The following SLC40A1 variants were observed in gnomAD, a reference collection of about 807,000 sequenced individuals.
The protein encoded by SLC40A1 is ferroportin.
In SLC40A1, 16 loss-of-function variants were observed where a neutral mutation model predicts 53.5. The observed-to-expected ratio is 0.30, with a 90% CI of 0.20 to 0.45. The LOEUF (loss-of-function observed/expected upper bound fraction) is 0.45. Ranked by LOEUF, SLC40A1 falls within the 20% of genes least tolerant of loss-of-function variation. The probability of loss-of-function intolerance (pLI) is 1.00; values close to 1 mark genes in which losing one functional copy is unlikely to be tolerated. For missense variants in SLC40A1, 545 were observed against 695.4 expected (o/e 0.78, Z 2.43); for synonymous variants, 247 against 253.2 (o/e 0.98, Z 0.23).
chr2:189,579,758 G>A, intron 2 of SLC40A1, 55 bp downstream of exon 2: 1 of 1,490,530 alleles, frequency 6.7e-7, no homozygotes, highest in Non-Finnish European at 9.4e-7. Context: ...TGGCTAGAAC[G>A]AAAGGAAATA....
chr2:189,571,614 A>T (rs1301550040), intron 5 of SLC40A1, 101 bp downstream of exon 5: 15 of 1,533,104 alleles, frequency 9.8e-6, no homozygotes, highest in Middle Eastern at 1.8e-4. Context: ...TTCTTAAAAA[A>T]TACCCAGAAC....
chr2:189,561,581 C>G lies in SLC40A1; in HGVS notation c.*297G>C, dbSNP rs1444372744. ...ATAACTGAATTCACGTGACTAACCA[C>G]TCTTTTACGTAAGATTGTATCTACT... On this transcript the variant is annotated 3_prime_UTR_variant, in exon 8 of 8. Transcript: ENST00000261024. The G allele has an allele frequency of 2.9e-6, 1 of 340,364 alleles. No individual in the cohort carries two copies. Among genetic ancestry groups the G allele is most frequent in the African/African-American group, 2.1e-5 (1 of 47,432 alleles). The allele number at this position is 340,364 out of a possible 1,614,324, so 21.1% of individuals were successfully genotyped here.
chr2:189,563,522 C>A lies in SLC40A1; in HGVS notation c.1402+62G>T, dbSNP rs73980217. On this transcript the variant is annotated intron_variant, in intron 7 of 7. Coordinates refer to ENST00000261024, the MANE Select transcript of SLC40A1 (RefSeq NM_014585.6). The stretch of plus-strand genomic sequence containing the variant: ...ATTTCAGATCATTTATTAATGGATT[C>A]TCTGAACCTACATTACAAAAAGACA... The A allele has an allele frequency of 0.015, 22,205 of 1,464,714 alleles. 2,153 individuals are homozygous for A. The African/African-American group carries it at 0.24, about 16-fold the overall frequency. 90.7% of individuals were successfully genotyped at this position (1,464,714 alleles called of 1,614,324 possible).
intron 5 of SLC40A1, among the ~76,000 whole-genome samples, chr2:189,569,169 T>C (rs57422927): frequency 0.014 from 2,088 of 152,362 alleles, 46 homozygotes; most frequent in East Asian, 0.079. Context: ...ATTCCTCCTT[T>C]TCTTTTACCC....
intron 3 of SLC40A1, among the ~76,000 whole-genome samples, chr2:189,574,315 G>A (rs142574836): frequency 1.8e-4 from 28 of 152,216 alleles, no homozygotes; most frequent in Non-Finnish European, 3.4e-4. Context: ...CTCTATATGT[G>A]TTCTGGTCTA....
chr2:189,570,845 G>C (rs2031103707), intron 5 of SLC40A1, among the ~76,000 whole-genome samples: 1 of 151,924 alleles, frequency 6.6e-6, no homozygotes, highest in African/African-American at 2.4e-5. Context: ...ATCAAGAATG[G>C]TTTACTTGTC....
Position 189,569,472 on chromosome 2 carries a change from G to A in SLC40A1, c.514+2243C>T, listed in dbSNP as rs542214940. On this transcript the variant is annotated intron_variant, in intron 5 of 7. Coordinates refer to ENST00000261024, the MANE Select transcript of SLC40A1 (RefSeq NM_014585.6). Reference sequence around the variant, plus strand: ...ACCTCATAGGAACCCAAGGCAGCAGGTGGAGTCCCTTCTAGATGTACTTTC... The same window carrying A: ...ACCTCATAGGAACCCAAGGCAGCAGATGGAGTCCCTTCTAGATGTACTTTC... 1.5e-3 allele frequency among the ~76,000 whole-genome samples: 228 copies of A among 152,300 alleles called. 1 individual carries two copies. The highest frequency in any genetic ancestry group is 2.7e-3 in the Non-Finnish European group (181 of 68,018).
chr2:189,561,767 C>G lies in SLC40A1; in HGVS notation c.*111G>C. On this transcript the variant is annotated 3_prime_UTR_variant, in exon 8 of 8. Transcript: ENST00000261024. ...ACAGCTTTTAGTTCTCAAGGCACAGCTGTGGTAAAAACAGAGCAAAACACC... is the reference window on the plus strand; with the variant it reads ...ACAGCTTTTAGTTCTCAAGGCACAGGTGTGGTAAAAACAGAGCAAAACACC... 1.1e-6 allele frequency: 1 copy of G among 914,690 alleles called. No individual in the cohort carries two copies. Among genetic ancestry groups the G allele is most frequent in the East Asian group, 2.6e-5 (1 of 38,762 alleles). 56.7% of individuals were successfully genotyped at this position (914,690 alleles called of 1,614,324 possible).
At chr2:189,564,405 T>TAAAATAAAATAAAATAAAAAAATA (rs1169914170) in intron 6 of SLC40A1, among the ~76,000 whole-genome samples, 180 bp from the exon 7 acceptor site, 4 of 152,192 alleles carry the variant, frequency 2.6e-5, no homozygotes, top group African/African-American at 9.7e-5. Context: ...AATCATCAAG[T>TAAAATAAAATAAAATAAAAAAATA]GTCATTTTTA....
At chr2:189,562,292 G>T in intron 7 of SLC40A1, 101 bp from the exon 8 acceptor site, 1 of 901,934 alleles carries the variant, frequency 1.1e-6, no homozygotes, top group Non-Finnish European at 1.7e-6. Flanking sequence ...ATACATTTTA[G>T]CCTGACTGTC....
chr2:189,575,051 G>A lies in SLC40A1; in HGVS notation c.271+110C>T, dbSNP rs952638246. On this transcript the variant is annotated intron_variant, in intron 3 of 7. Coordinates refer to ENST00000261024, the MANE Select transcript of SLC40A1 (RefSeq NM_014585.6). The stretch of plus-strand genomic sequence containing the variant: ...AGCCCTCCTCCCTCAAGTGTGGCAT[G>A]CAGACATTCCCTGGTTGTTTCTCTC... 4.7e-5 allele frequency: 59 copies of A among 1,246,246 alleles called. No individual in the cohort carries two copies. In the African/African-American group the frequency reaches 8.4e-4, roughly 18 times the overall value. The allele number at this position is 1,246,246 out of a possible 1,614,324, so 77.2% of individuals were successfully genotyped here. A position where few individuals can be genotyped will look rare whatever the true frequency, so the allele number is the denominator to read the frequency against.
Position 189,565,910 on chromosome 2 carries a change from T to TA in SLC40A1, c.515-312dup, listed in dbSNP as rs1280761680. On this transcript the variant is annotated intron_variant, in intron 5 of 7. Coordinates refer to ENST00000261024, the MANE Select transcript of SLC40A1 (RefSeq NM_014585.6). ...TATATCTTAAATGCCTATTATAAGC[T>TA]AGTCATTATTCTCAACAATTCTTAA... 5.3e-5 allele frequency among the ~76,000 whole-genome samples: 8 copies of TA among 152,336 alleles called. No homozygotes were observed. The South Asian group carries it at 1.2e-3, about 24-fold the overall frequency.
Position 189,575,323 on chromosome 2 carries a change from T to G in SLC40A1, c.112-3A>C, listed in dbSNP as rs1574245620. On this transcript the variant is annotated splice_polypyrimidine_tract_variant and splice_region_variant and intron_variant, in intron 2 of 7. Coordinates refer to ENST00000261024, the MANE Select transcript of SLC40A1 (RefSeq NM_014585.6). ...GCAAAGTGCCACATCCGATCTCCCT[T>G]AAATGAAAAGAGAAAATGTTTTGAT... 6.2e-7 allele frequency: 1 copy of G among 1,613,986 alleles called. No homozygotes were observed. Among genetic ancestry groups the G allele is most frequent in the Non-Finnish European group, 8.5e-7 (1 of 1,179,904 alleles).
Position 189,564,211 on chromosome 2 carries a change from G to A in SLC40A1, c.775C>T (p.Pro259Ser). 2 of 1,614,002 alleles carry A rather than the reference G, an allele frequency of 1.2e-6. No homozygotes were observed. The highest frequency in any genetic ancestry group is 1.7e-6 in the Non-Finnish European group (2 of 1,179,900). Residue 259 changes from proline to serine, a missense_variant, in exon 7 of 8, where the codon CCC (proline) becomes TCC (serine). By Grantham distance (74) the Pro-to-Ser change is moderately conservative (BLOSUM62 -1). Around this residue, in one of 4 missense-constraint regions of SLC40A1, gnomAD observed 107 missense variants for 91.0 expected, o/e 1.18. Transcript: ENST00000261024. ...CCCATTAGATGAGTTCCCTCCAGGG[G>A]TTTTGGCTCAGTATCTGTTAAGAAA... is the stretch of plus-strand genomic sequence containing the variant. ...LNLHKDTEPK[P>S]LEGTHLMGVK...
chr2:189,564,095 A>G lies in SLC40A1; in HGVS notation c.891T>C (p.Asp297=), dbSNP rs762023302. The G allele has an allele frequency of 6.2e-7, 1 of 1,610,662 alleles. No homozygotes were observed. ...QMAEPFRTFR[D]GWVSYYNQPV... ...GCTGGTTGTAGTAGGAGACCCATCC[A>G]TCTCGGAAGGTACGGAAGGGCTCAG... is the stretch of plus-strand genomic sequence containing the variant. The change falls in exon 7 of 8, where the codon GAT becomes GAC. Residue 297 remains aspartate (D), a synonymous_variant. Transcript: ENST00000261024.
At chr2:189,577,842 C>G (rs2031338370) in intron 2 of SLC40A1, among the ~76,000 whole-genome samples, 1 of 102,690 alleles carries the variant, frequency 9.7e-6, no homozygotes, top group South Asian at 3.6e-4. Context: ...GTCTCAGACT[C>G]CTGGGCTCAA....
chr2:189,568,490 A>G (rs1353967674), intron 5 of SLC40A1, among the ~76,000 whole-genome samples: 2 of 149,524 alleles, frequency 1.3e-5, no homozygotes, highest in African/African-American at 4.9e-5. Context: ...CTCCGTCTCA[A>G]AAAAAAAAAA....
chr2:189,570,647 A>C (rs1316673076), intron 5 of SLC40A1, among the ~76,000 whole-genome samples: 1 of 152,184 alleles, frequency 6.6e-6, no homozygotes, highest in Non-Finnish European at 1.5e-5. Flanking sequence ...TTCTAACTCA[A>C]TAATAATACT....
At chr2:189,576,248 C>T (rs1452475196) in intron 2 of SLC40A1, among the ~76,000 whole-genome samples, 1 of 152,130 alleles carries the variant, frequency 6.6e-6, no homozygotes, top group Non-Finnish European at 1.5e-5. Context: ...CTCTGGGAAT[C>T]CCTATAGGAA....
Sources: gnomAD v4.1 joint callset for allele counts (sites outside exome capture counted in the v4.1 genomes callset) on GRCh38, gnomAD v4.1.1 for gene constraint, gnomAD v4.1.1 regional missense constraint, MANE v1.5 for transcripts, NCBI Gene and HGNC (gene_info 2026-07-23, HGNC 2026-07-21) for gene names.